The following ABCC4 variants were observed in gnomAD, a reference collection of about 807,000 sequenced individuals.
The protein encoded by ABCC4 is ATP binding cassette subfamily C member 4 (PEL blood group).
In ABCC4, 102 loss-of-function variants were observed where a neutral mutation model predicts 168.5. The ratio of observed to expected loss-of-function variants is 0.61; its 90% CI spans 0.52 to 0.71. The LOEUF (loss-of-function observed/expected upper bound fraction) is 0.71, where lower values mean the gene tolerates loss of function less well. Ranked by LOEUF, ABCC4 falls within the 30% of genes least tolerant of loss-of-function variation. ABCC4 has a pLI of 0.00. For synonymous variants in ABCC4, 617 were observed against 590.7 expected (o/e 1.04, Z -0.65); for missense variants, 1,402 against 1,605.8 (o/e 0.87, Z 2.17).
At chr13:95,135,400 A>T (rs1376245002) in intron 19 of ABCC4, among the ~76,000 whole-genome samples, 1 of 152,028 alleles carries the variant, frequency 6.6e-6, no homozygotes. Flanking sequence ...GGTAAAATAT[A>T]ATAATGTCCA....
At chr13:95,167,992 G>A (rs2037341293) in intron 14 of ABCC4, among the ~76,000 whole-genome samples, 1 of 152,126 alleles carries the variant, frequency 6.6e-6, no homozygotes, top group Admixed American at 6.5e-5. Flanking sequence ...TCAGGCTCCT[G>A]AGTAGCTGGG....
At chr13:95,113,323 G>A (rs933828089) in intron 20 of ABCC4, among the ~76,000 whole-genome samples, 3 of 152,070 alleles carry the variant, frequency 2.0e-5, no homozygotes, top group Non-Finnish European at 4.4e-5. Flanking sequence ...CCCTTCATTC[G>A]GCTCAGCTAG....
chr13:95,164,326 A>G (rs1389713879), intron 16 of ABCC4, 52 bp downstream of exon 16: 2 of 1,604,186 alleles, frequency 1.2e-6, no homozygotes, highest in East Asian at 4.5e-5. Context: ...TAGCATAAAC[A>G]TAGGTACTGT....
intron 21 of ABCC4, among the ~76,000 whole-genome samples, chr13:95,076,679 G>A (rs572332705): frequency 6.6e-6 from 1 of 152,198 alleles, no homozygotes; most frequent in East Asian, 1.9e-4. Context: ...TGGCCAGGCT[G>A]GTCTTGAACT....
chr13:95,108,214 C>T (rs2035076427), intron 20 of ABCC4, among the ~76,000 whole-genome samples: 1 of 152,128 alleles, frequency 6.6e-6, no homozygotes, highest in Admixed American at 6.5e-5. Context: ...GCTAGTACCA[C>T]AATTTCTGAA....
intron 26 of ABCC4, among the ~76,000 whole-genome samples, chr13:95,057,394 C>G (rs569020347): frequency 9.0e-4 from 137 of 152,274 alleles, no homozygotes; most frequent in African/African-American, 3.2e-3. Flanking sequence ...TGCGCACCAC[C>G]ACGTCCGGCT....
At chr13:95,070,135 G>A (rs545469974) in intron 25 of ABCC4, among the ~76,000 whole-genome samples, 4 of 152,234 alleles carry the variant, frequency 2.6e-5, no homozygotes, top group South Asian at 2.1e-4. Context: ...TCCCAGCTAC[G>A]GGGGAGGTTG....
chr13:95,107,203 G>A (rs1056652756), intron 20 of ABCC4, among the ~76,000 whole-genome samples: 8 of 152,298 alleles, frequency 5.3e-5, no homozygotes, highest in Admixed American at 3.3e-4. Context: ...GCTACAGTGA[G>A]CCGAGATGGC....
Position 95,261,632 on chromosome 13 carries a change from CA to C in ABCC4, c.75-13880del, listed in dbSNP as rs201408829. On this transcript the variant is annotated intron_variant, in intron 1 of 30. Transcript: ENST00000645237. ...ATGGCTATTGAAGAAGAAAAAAACA[CA>C]AAAAAAAGTAATAAACCTTATATAC... Among the ~76,000 whole-genome samples, 415 of 151,422 alleles carry C rather than the reference CA, an allele frequency of 2.7e-3. 1 individual carries two copies. Among genetic ancestry groups the C allele is most frequent in the African/African-American group, 9.4e-3 (387 of 41,314 alleles).
At chr13:95,262,836 T>A (rs1478208628) in intron 1 of ABCC4, among the ~76,000 whole-genome samples, 1 of 152,152 alleles carries the variant, frequency 6.6e-6, no homozygotes, top group Non-Finnish European at 1.5e-5. Context: ...GGTTTCACCA[T>A]GTTGGCCAGG....
chr13:95,237,329 CA>C, intron 3 of ABCC4, among the ~76,000 whole-genome samples: 1 of 152,162 alleles, frequency 6.6e-6, no homozygotes, highest in Non-Finnish European at 1.5e-5. Flanking sequence ...AGAAACGAAA[CA>C]ACTGGGAAAA....
At chr13:95,028,434 G>A (rs148832952) in intron 30 of ABCC4, among the ~76,000 whole-genome samples, 519 of 152,090 alleles carry the variant, frequency 3.4e-3, no homozygotes, top group Non-Finnish European at 5.5e-3. Context: ...AAACTGATGC[G>A]TAAAACAGAA....
intron 30 of ABCC4, among the ~76,000 whole-genome samples, chr13:95,028,621 G>A (rs1192487602): frequency 2.6e-5 from 4 of 151,898 alleles, no homozygotes; most frequent in African/African-American, 7.3e-5. Context: ...AATTCACAGC[G>A]CTAAAATACT....
intron 9 of ABCC4, among the ~76,000 whole-genome samples, chr13:95,190,781 G>C (rs562099284): frequency 2.0e-5 from 3 of 152,172 alleles, no homozygotes; most frequent in African/African-American, 7.2e-5. Context: ...TATAATCTTC[G>C]TCTGAATTTC....
At chr13:95,164,670 AACTAT>A (rs2037213807) in intron 15 of ABCC4, 152 bp from the exon 16 acceptor site, 1 of 681,754 alleles carries the variant, frequency 1.5e-6, no homozygotes, top group African/African-American at 1.8e-5. Context: ...TAGCTAGCCA[AACTAT>A]ACATCCACTT....
At chr13:95,246,318 G>A (rs2040104595) in intron 3 of ABCC4, among the ~76,000 whole-genome samples, 1 of 152,176 alleles carries the variant, frequency 6.6e-6, no homozygotes, top group African/African-American at 2.4e-5. Context: ...ACAGTCCTCG[G>A]ACCTTCTTCC....
At chr13:95,104,809 G>C (rs2034943104) in intron 20 of ABCC4, among the ~76,000 whole-genome samples, 1 of 152,168 alleles carries the variant, frequency 6.6e-6, no homozygotes, top group African/African-American at 2.4e-5. Flanking sequence ...CCAGTGGCAG[G>C]CATGTGCTAC....
At chr13:95,045,031 A>G (rs2032518054) in intron 27 of ABCC4, among the ~76,000 whole-genome samples, 1 of 152,210 alleles carries the variant, frequency 6.6e-6, no homozygotes, top group African/African-American at 2.4e-5. Context: ...TTAGACCTCA[A>G]TAGAGTTGTT....
intron 19 of ABCC4, among the ~76,000 whole-genome samples, chr13:95,138,217 T>C (rs940769625): frequency 1.3e-5 from 2 of 152,232 alleles, no homozygotes; most frequent in Non-Finnish European, 2.9e-5. Flanking sequence ...TTATGAAATA[T>C]TGGTCATTAT....
Sources: gnomAD v4.1 joint callset for allele counts (sites outside exome capture counted in the v4.1 genomes callset) on GRCh38, gnomAD v4.1.1 for gene constraint, MANE v1.5 for transcripts, NCBI Gene and HGNC (gene_info 2026-07-23, HGNC 2026-07-21) for gene names.